TNPO1: variants seen among roughly 807,000 people sequenced by gnomAD.
TNPO1 encodes transportin 1.
TNPO1 carries 8 observed loss-of-function variants against 119.5 expected under a neutral mutation model. The ratio of observed to expected loss-of-function variants is 0.07; its 90% confidence interval spans 0.04 to 0.12. The LOEUF (loss-of-function observed/expected upper bound fraction) is 0.12. TNPO1 is among the 10% of genes least tolerant of loss of function. TNPO1 has a pLI of 1.00. For missense variants in TNPO1, 576 were observed against 1,089.8 expected (o/e 0.53, Z 6.64); for synonymous variants, 362 against 363.0 (o/e 1.00, Z 0.03).
At chr5:72,870,677 A>G (rs1747323559) in intron 6 of TNPO1, among the ~76,000 whole-genome samples, 1 of 152,192 alleles carries the variant, frequency 6.6e-6, no homozygotes, top group Admixed American at 6.5e-5. Flanking sequence ...TTTTAATTTA[A>G]AATGTAAGTC....
intron 11 of TNPO1, among the ~76,000 whole-genome samples, chr5:72,883,608 A>G (rs1333401668): frequency 6.6e-6 from 1 of 152,200 alleles, no homozygotes; most frequent in Non-Finnish European, 1.5e-5. Flanking sequence ...GTGAAATAAT[A>G]TTTCATTGTA....
chr5:72,824,686 T>C (rs1327555938), intron 1 of TNPO1, among the ~76,000 whole-genome samples: 1 of 152,244 alleles, frequency 6.6e-6, no homozygotes, highest in East Asian at 1.9e-4. Flanking sequence ...GCCCCAAGTC[T>C]TAATTGTTTG....
At chr5:72,880,015 C>A (rs933955422) in intron 9 of TNPO1, among the ~76,000 whole-genome samples, 1 of 152,170 alleles carries the variant, frequency 6.6e-6, no homozygotes, top group Admixed American at 6.5e-5. Context: ...TGGTGAAACC[C>A]GTCTCTACCA....
At chr5:72,875,570 T>C (rs368962214) in intron 7 of TNPO1, 45 bp from the exon 8 acceptor site, 7 of 1,595,580 alleles carry the variant, frequency 4.4e-6, no homozygotes, top group African/African-American at 1.3e-5. Flanking sequence ...ATTACTTGTG[T>C]GTAAGCCTTT....
chr5:72,846,053 G>C (rs1052943176), intron 1 of TNPO1, among the ~76,000 whole-genome samples: 1 of 152,208 alleles, frequency 6.6e-6, no homozygotes, highest in African/African-American at 2.4e-5. Flanking sequence ...GAATGTGCTG[G>C]TGGAGATAAA....
intron 6 of TNPO1, among the ~76,000 whole-genome samples, chr5:72,868,486 G>C (rs1020192959): frequency 5.3e-4 from 79 of 148,350 alleles, no homozygotes; most frequent in African/African-American, 1.8e-3. Flanking sequence ...AGGCATTTGT[G>C]GGTGTGTTAT....
At chr5:72,871,691 A>G (rs2112363645) in intron 6 of TNPO1, 1 of 152,376 alleles carries the variant, frequency 6.6e-6, no homozygotes, top group East Asian at 1.9e-4. Context: ...AGGATGTTTA[A>G]GACAGAACAG....
At chr5:72,849,287 GCTTTCT>G (rs1215543319) in intron 2 of TNPO1, among the ~76,000 whole-genome samples, 19 of 152,296 alleles carry the variant, frequency 1.2e-4, no homozygotes, top group Non-Finnish European at 2.4e-4. Flanking sequence ...TACCACGTAT[GCTTTCT>G]GTAGTGCCCT....
At chr5:72,821,612 A>G (rs1743959421) in intron 1 of TNPO1, among the ~76,000 whole-genome samples, 1 of 152,186 alleles carries the variant, frequency 6.6e-6, no homozygotes, top group Non-Finnish European at 1.5e-5. Context: ...CTTTTGTGCC[A>G]TTTATTAGTG....
rs1278552609 is a variant in TNPO1 at position 72,872,633 on chromosome 5, T to G, written c.597-6T>G. On this transcript the variant is annotated splice_region_variant and splice_polypyrimidine_tract_variant and intron_variant, in intron 6 of 24. Transcript: ENST00000337273. ...GCATATGTTAAATTTTAAACTTTGT[T>G]TCTAGGTCTCACGCTGTTGCATGTG... 5 of 1,600,446 alleles carry G rather than the reference T, an allele frequency of 3.1e-6. No individual in the cohort carries two copies. The South Asian group carries it at 5.7e-5, about 18-fold the overall frequency.
chr5:72,832,567 T>C (rs1744521499), intron 1 of TNPO1, among the ~76,000 whole-genome samples: 6 of 152,180 alleles, frequency 3.9e-5, no homozygotes, highest in Admixed American at 3.9e-4. Context: ...TCCTTTGAGA[T>C]ATGGAGTGTC....
chr5:72,906,479 A>G (rs1012702760), intron 24 of TNPO1, among the ~76,000 whole-genome samples: 30 of 151,346 alleles, frequency 2.0e-4, no homozygotes, highest in African/African-American at 7.3e-4. Context: ...TTTAGTAGAG[A>G]TGGGGTTTCA....
intron 1 of TNPO1, among the ~76,000 whole-genome samples, chr5:72,844,578 G>A (rs578260193): frequency 6.6e-6 from 1 of 152,346 alleles, no homozygotes; most frequent in African/African-American, 2.4e-5. Flanking sequence ...TCTTGCAGAT[G>A]CTAGAAAGCC....
At chr5:72,852,478 T>C (rs1182602152) in intron 3 of TNPO1, among the ~76,000 whole-genome samples, 1 of 152,192 alleles carries the variant, frequency 6.6e-6, no homozygotes, top group Non-Finnish European at 1.5e-5. Flanking sequence ...TGTGGACACA[T>C]AGAAGTCAAT....
Position 72,896,142 on chromosome 5 carries a change from G to A in TNPO1, c.2144-316G>A, listed in dbSNP as rs1486310279. Among the ~76,000 whole-genome samples, 4 of 151,766 alleles carry A rather than the reference G, an allele frequency of 2.6e-5. No individual in the cohort carries two copies. The East Asian group carries it at 7.7e-4, about 29-fold the overall frequency. The stretch of plus-strand genomic sequence containing the variant: ...TAGTCTAATTACAAGAGATTACTCT[G>A]ACCAACTCTTTTTAGTGGTATGTAA... On this transcript the variant is annotated intron_variant, in intron 18 of 24. Coordinates refer to ENST00000337273, the MANE Select transcript of TNPO1 (RefSeq NM_002270.4).
At chr5:72,880,802 G>A (rs1403462073) in intron 9 of TNPO1, among the ~76,000 whole-genome samples, 2 of 119,702 alleles carry the variant, frequency 1.7e-5, no homozygotes, top group Non-Finnish European at 3.3e-5. Context: ...GGTGACAAGA[G>A]CAAGACTCCA....
rs780190241 is a variant in TNPO1 at position 72,888,261 on chromosome 5, G to A, written c.1487G>A (p.Arg496His). 3.1e-6 allele frequency: 5 copies of A among 1,614,142 alleles called. No individual in the cohort carries two copies. The highest frequency in any genetic ancestry group is 4.2e-6 in the Non-Finnish European group (5 of 1,180,028). Residue 496 changes from arginine (R) to histidine (H), a missense_variant, in exon 13 of 25, where the codon CGC (arginine) becomes CAC (histidine). Around this residue, in one of 6 missense-constraint regions of TNPO1, gnomAD observed 310 missense variants for 583.0 expected, o/e 0.53. Coordinates refer to ENST00000337273, the MANE Select transcript of TNPO1 (RefSeq NM_002270.4). Reference sequence around the variant, plus strand: ...CCATTAATGACAGAATTGCTAAAGCGCATCCTGGACAGCAACAAGAGAGTA... The same window carrying A: ...CCATTAATGACAGAATTGCTAAAGCACATCCTGGACAGCAACAAGAGAGTA... Reference protein sequence around the residue: ...LKPLMTELLKRILDSNKRVQE... With the variant: ...LKPLMTELLKHILDSNKRVQE...
chr5:72,862,427 A>G (rs911643574), intron 5 of TNPO1: 35 of 154,960 alleles, frequency 2.3e-4, no homozygotes, highest in African/African-American at 7.3e-4. Context: ...GGCTCAAACA[A>G]TCCTCCTACG....
Position 72,887,271 on chromosome 5 carries a change from T to C in TNPO1, c.1303+49T>C, listed in dbSNP as rs759121417. ...TATGTAAGTTGGCTTCTTACTACTA[T>C]TAGGTACTAATAAGGCTAGGCTACT... On this transcript the variant is annotated intron_variant, in intron 12 of 24. Transcript: ENST00000337273. The C allele has an allele frequency of 6.1e-5, 70 of 1,156,490 alleles. 1 individual carries two copies. The highest frequency in any genetic ancestry group is 9.2e-5 in the South Asian group (7 of 76,004). The allele number at this position is 1,156,490 out of a possible 1,614,324, so 71.6% of individuals were successfully genotyped here.
Sources: allele counts gnomAD v4.1 joint callset (sites outside exome capture counted in the v4.1 genomes callset), GRCh38; gene constraint gnomAD v4.1.1; regional missense constraint gnomAD v4.1.1; transcripts MANE v1.5; gene names NCBI Gene and HGNC (gene_info 2026-07-23, HGNC 2026-07-21).